ZGRF1: variants seen among roughly 807,000 people sequenced by gnomAD.
ZGRF1 encodes 5'-3' DNA helicase ZGRF1.
ZGRF1 carries 196 observed loss-of-function variants against 203.5 expected under a neutral mutation model. That is an observed-to-expected ratio of 0.96 (90% CI 0.86 to 1.08). The LOEUF is 1.08. Ranked by LOEUF, ZGRF1 falls within the 50% of genes least tolerant of loss-of-function variation. The probability of loss-of-function intolerance (pLI) is 0.00; values close to 1 mark genes in which losing one functional copy is unlikely to be tolerated. For synonymous variants in ZGRF1, 809 were observed against 841.3 expected (o/e 0.96, Z 0.66); for missense variants, 2,326 against 2,416.3 (o/e 0.96, Z 0.78).
At chr4:112,609,896 T>C (rs528623961) in intron 7 of ZGRF1, among the ~76,000 whole-genome samples, 107 of 152,086 alleles carry the variant, frequency 7.0e-4, no homozygotes, top group African/African-American at 2.3e-3. Flanking sequence ...ATTCCAACAC[T>C]TTAGAGGCTG....
Position 112,618,138 on chromosome 4 carries a change from A to C in ZGRF1, c.1904T>G (p.Ile635Arg). 1 of 1,613,736 alleles carries C rather than the reference A, an allele frequency of 6.2e-7. No homozygotes were observed. The highest frequency in any genetic ancestry group is 8.5e-7 in the Non-Finnish European group (1 of 1,179,812). ...ICKTENTGKE[I>R]EEYSDTLSNF... ...GCTTAATGTGTCACTATACTCCTCTATTTCTTTTCCTGTGTTTTCAGTTTT... is the reference window on the plus strand; with the variant it reads ...GCTTAATGTGTCACTATACTCCTCTCTTTCTTTTCCTGTGTTTTCAGTTTT... Residue 635 changes from isoleucine (I) to arginine (R), a missense_variant, in exon 6 of 28, where the codon ATA becomes AGA. Physicochemically the swap from Ile to Arg is moderately conservative, Grantham distance 97. Transcript: ENST00000505019.
intron 19 of ZGRF1, 38 bp from the exon 20 acceptor site, chr4:112,558,347 A>G: frequency 2.1e-6 from 3 of 1,414,638 alleles, no homozygotes; most frequent in Non-Finnish European, 2.8e-6. Context: ...AAAAAGCATA[A>G]AATAAATAAA....
chr4:112,559,259 C>T lies in ZGRF1; in HGVS notation c.4961-950G>A, dbSNP rs138104230. ...TGTTGCCCAGGCTGGAGTGCAGTGG[C>T]GCAATCGTGACTCACTGCAACCTCT... On this transcript the variant is annotated intron_variant, in intron 19 of 27. Coordinates refer to ENST00000505019, the MANE Select transcript of ZGRF1 (RefSeq NM_018392.5). Among the ~76,000 whole-genome samples the T allele has an allele frequency of 5.4e-3, 819 of 152,140 alleles. 13 individuals carry two copies. Among genetic ancestry groups the T allele is most frequent in the African/African-American group, 0.017 (720 of 41,520 alleles).
chr4:112,613,438 T>C (rs955969211), intron 6 of ZGRF1, among the ~76,000 whole-genome samples: 2 of 151,262 alleles, frequency 1.3e-5, no homozygotes, highest in African/African-American at 2.4e-5. Flanking sequence ...ACTAGGGAAA[T>C]AGCAGTGAAC....
At chr4:112,628,768 T>C (rs116300889) in intron 3 of ZGRF1, 1 of 442,830 alleles carries the variant, frequency 2.3e-6, no homozygotes, top group African/African-American at 2.0e-5. Flanking sequence ...CCATAATAAT[T>C]TGGAACCAGA....
chr4:112,540,806 A>G lies in ZGRF1; in HGVS notation c.5910+15T>C, dbSNP rs1310474735. 6.4e-7 allele frequency: 1 copy of G among 1,571,150 alleles called. No individual in the cohort carries two copies. The highest frequency in any genetic ancestry group is 8.7e-7 in the Non-Finnish European group (1 of 1,153,550). On this transcript the variant is annotated intron_variant, in intron 26 of 27. Coordinates refer to ENST00000505019, the MANE Select transcript of ZGRF1 (RefSeq NM_018392.5). ...TATTTAATATATGGCAAATACTGTA[A>G]TACATAATACCAACCTTGTACATCT...
At chr4:112,630,512 C>T (rs1274872735) in intron 3 of ZGRF1, among the ~76,000 whole-genome samples, 1 of 150,718 alleles carries the variant, frequency 6.6e-6, no homozygotes. Flanking sequence ...GAGCAAAAAT[C>T]CATCTCAAAA....
chr4:112,618,235 A>T lies in ZGRF1; in HGVS notation c.1807T>A (p.Phe603Ile). ...TSVSDKPTVT[F>I]PVKETLPSQF... is the part of the protein sequence containing the mutation. ...GATGGCAGAGTCTCTTTAACAGGAA[A>T]TGTCACTGTAGGTTTGTCACTAACA... The change falls in exon 6 of 28, where the codon TTT becomes ATT. Residue 603 changes from phenylalanine to isoleucine, a missense_variant. By Grantham distance (21) the Phe-to-Ile change is conservative. Transcript: ENST00000505019. 6.2e-7 allele frequency: 1 copy of T among 1,613,938 alleles called. No homozygotes were observed. Among genetic ancestry groups the T allele is most frequent in the Non-Finnish European group, 8.5e-7 (1 of 1,179,906 alleles).
intron 22 of ZGRF1, among the ~76,000 whole-genome samples, chr4:112,549,113 C>CAAAAAAAAAAAAAAAAA (rs771730607): frequency 2.0e-3 from 33 of 16,758 alleles, no homozygotes; most frequent in African/African-American, 7.3e-3. Context: ...GACTCCGTCT[C>CAAAAAAAAAAAAAAAAA]AAAAAAAAAA....
chr4:112,608,354 C>T (rs888424199), intron 8 of ZGRF1, among the ~76,000 whole-genome samples: 7 of 152,222 alleles, frequency 4.6e-5, no homozygotes, highest in Admixed American at 3.9e-4. Context: ...GGTGGTGGCT[C>T]ATGCCTGTAA....
At chr4:112,575,246 T>C (rs1361405842) in intron 16 of ZGRF1, among the ~76,000 whole-genome samples, 1 of 152,146 alleles carries the variant, frequency 6.6e-6, no homozygotes, top group African/African-American at 2.4e-5. Context: ...ATTAAATGTT[T>C]CTCGTATCCC....
chr4:112,617,399 C>G, intron 6 of ZGRF1, 41 bp downstream of exon 6: 1 of 1,370,068 alleles, frequency 7.3e-7, no homozygotes, highest in Non-Finnish European at 9.9e-7. Flanking sequence ...AGCTCAAAGA[C>G]CTATAAAGAA....
At chr4:112,549,518 T>C (rs1244865015) in intron 22 of ZGRF1, among the ~76,000 whole-genome samples, 1 of 152,216 alleles carries the variant, frequency 6.6e-6, no homozygotes, top group Non-Finnish European at 1.5e-5. Flanking sequence ...AGATGTATGA[T>C]GATGGTCTCA....
rs368333793 is a variant in ZGRF1 at position 112,597,308 on chromosome 4, T to C, written c.2976+6216A>G. Among the ~76,000 whole-genome samples the C allele has an allele frequency of 2.1e-3, 313 of 150,336 alleles. 13 individuals are homozygous for C. In the South Asian group the frequency reaches 0.06, roughly 29 times the overall value. On this transcript the variant is annotated intron_variant, in intron 10 of 27. Coordinates refer to ENST00000505019, the MANE Select transcript of ZGRF1 (RefSeq NM_018392.5). ...TGGGAGGCTGAGGCAGCAGGAACAC[T>C]TGAGGGCAGGAGTTTGAGACCCAGA...
intron 7 of ZGRF1, among the ~76,000 whole-genome samples, chr4:112,610,031 C>G (rs1273741678): frequency 6.6e-6 from 1 of 151,786 alleles, no homozygotes; most frequent in African/African-American, 2.4e-5. Flanking sequence ...CCCAGCTACT[C>G]AGGAGGCTGA....
intron 16 of ZGRF1, among the ~76,000 whole-genome samples, chr4:112,570,876 G>A (rs1355923276): frequency 3.9e-5 from 6 of 152,078 alleles, no homozygotes; most frequent in African/African-American, 9.7e-5. Context: ...GCCCAGGCAC[G>A]CAGATCACTT....
intron 11 of ZGRF1, 34 bp downstream of exon 11, chr4:112,589,690 T>C (rs1372590957): frequency 1.9e-6 from 3 of 1,586,568 alleles, no homozygotes; most frequent in Admixed American, 1.7e-5. Context: ...CTTAAATGAA[T>C]AGACAGATAT....
intron 19 of ZGRF1, 126 bp downstream of exon 19, chr4:112,560,607 G>A (rs1741774393): frequency 2.5e-6 from 2 of 801,496 alleles, no homozygotes; most frequent in South Asian, 3.7e-5. Context: ...GTGGGTACAG[G>A]TTTAAAAAGT....
At chr4:112,628,456 T>G (rs1159743001) in intron 3 of ZGRF1, among the ~76,000 whole-genome samples, 1 of 152,238 alleles carries the variant, frequency 6.6e-6, no homozygotes, top group Non-Finnish European at 1.5e-5. Context: ...TCCCACTGTC[T>G]ACCAGTAATA....
Sources: gnomAD v4.1 joint callset for allele counts (sites outside exome capture counted in the v4.1 genomes callset) on GRCh38, gnomAD v4.1.1 for gene constraint, MANE v1.5 for transcripts, NCBI Gene and HGNC (gene_info 2026-07-23, HGNC 2026-07-21) for gene names.